TSHZ2: variants seen among roughly 807,000 people sequenced by gnomAD.
TSHZ2 encodes the protein teashirt zinc finger homeobox 2.
TSHZ2 carries 21 observed loss-of-function variants against 74.4 expected under a neutral mutation model. The ratio of observed to expected loss-of-function variants is 0.28; its 90% CI spans 0.20 to 0.41. The LOEUF is 0.41. TSHZ2 is among the 10% of genes least tolerant of loss of function. The pLI, the probability that TSHZ2 is intolerant of heterozygous loss-of-function variation, is 1.00. For synonymous variants in TSHZ2, 540 were observed against 515.3 expected (o/e 1.05, Z -0.65); for missense variants, 1,244 against 1,293.5 (o/e 0.96, Z 0.59).
At chr20:53,379,772 A>G (rs568981413) in intron 2 of TSHZ2, among the ~76,000 whole-genome samples, 16 of 148,612 alleles carry the variant, frequency 1.1e-4, no homozygotes, top group South Asian at 4.2e-4. Flanking sequence ...AGTCTATGGG[A>G]AAAAAAAATG....
In TSHZ2 at chr20:53,305,198, A is replaced by G. The variant is rs571609571; in HGVS notation, c.*8+48627A>G. The stretch of plus-strand genomic sequence containing the variant: ...CGTGATCTGCCTGCCTCGGCCTCCC[A>G]AAGTGCTGGGATTACAGGCATGAGC... On this transcript the variant is annotated intron_variant, in intron 2 of 2. Transcript: ENST00000371497. Among the ~76,000 whole-genome samples the G allele has an allele frequency of 3.9e-5, 6 of 152,194 alleles. No homozygotes were observed. The East Asian group carries it at 7.7e-4, about 20-fold the overall frequency.
At chr20:53,376,022 A>G (rs561108014) in intron 2 of TSHZ2, among the ~76,000 whole-genome samples, 3 of 152,340 alleles carry the variant, frequency 2.0e-5, no homozygotes, top group African/African-American at 7.2e-5. Flanking sequence ...GTAAGGGTCT[A>G]TATTAATGAG....
At chr20:53,297,837 A>C (rs1050377525) in intron 2 of TSHZ2, among the ~76,000 whole-genome samples, 1 of 152,250 alleles carries the variant, frequency 6.6e-6, no homozygotes. Context: ...CACTAGATAA[A>C]TATTGCCTGT....
At chr20:53,386,123 C>T (rs560259578) in intron 2 of TSHZ2, among the ~76,000 whole-genome samples, 1 of 152,226 alleles carries the variant, frequency 6.6e-6, no homozygotes, top group East Asian at 1.9e-4. Flanking sequence ...CACCTCTTAG[C>T]GTGGCCTGAG....
chr20:53,196,197 G>A (rs997873578), intron 1 of TSHZ2: 2 of 152,056 alleles, frequency 1.3e-5, no homozygotes, highest in African/African-American at 4.8e-5. Flanking sequence ...AAGGAAGCAA[G>A]TTGTTCAGCT....
chr20:53,137,471 A>G (rs1232843417), intron 1 of TSHZ2, among the ~76,000 whole-genome samples: 1 of 152,104 alleles, frequency 6.6e-6, no homozygotes, highest in Admixed American at 6.5e-5. Context: ...AAATGGAATC[A>G]CTTTGTAAAT....
At chr20:53,162,866 G>A (rs1366264623) in intron 1 of TSHZ2, among the ~76,000 whole-genome samples, 1 of 152,156 alleles carries the variant, frequency 6.6e-6, no homozygotes, top group African/African-American at 2.4e-5. Flanking sequence ...TTGGAAGCAG[G>A]TTTAAAATGA....
chr20:53,274,139 G>A (rs192558469), intron 2 of TSHZ2, among the ~76,000 whole-genome samples: 259 of 152,214 alleles, frequency 1.7e-3, no homozygotes, highest in African/African-American at 5.2e-3. Context: ...GTGTGGTGGC[G>A]CGTGCCTGTA....
chr20:53,468,688 CAAAAA>C (rs1158529552), intron 2 of TSHZ2, among the ~76,000 whole-genome samples: 10 of 65,400 alleles, frequency 1.5e-4, no homozygotes, highest in Middle Eastern at 0.014. Flanking sequence ...CATTACGAGA[CAAAAA>C]AAAAAAAAAA....
At chr20:53,451,166 A>G (rs573093182) in intron 2 of TSHZ2, among the ~76,000 whole-genome samples, 2 of 152,324 alleles carry the variant, frequency 1.3e-5, no homozygotes, top group African/African-American at 4.8e-5. Context: ...CAGCCTACAC[A>G]TAGTACAAGG....
At chr20:53,014,280 G>T (rs1053177163) in intron 1 of TSHZ2, among the ~76,000 whole-genome samples, 1 of 152,044 alleles carries the variant, frequency 6.6e-6, no homozygotes, top group African/African-American at 2.4e-5. Flanking sequence ...ACCAACCTGA[G>T]GATTCCACCC....
intron 2 of TSHZ2, among the ~76,000 whole-genome samples, chr20:53,388,477 C>A (rs896307389): frequency 1.5e-4 from 23 of 152,246 alleles, no homozygotes; most frequent in African/African-American, 5.5e-4. Flanking sequence ...TGATACAACA[C>A]TGAAGGTGGG....
At chr20:53,024,998 T>G (rs1983384259) in intron 1 of TSHZ2, among the ~76,000 whole-genome samples, 1 of 152,136 alleles carries the variant, frequency 6.6e-6, no homozygotes, top group African/African-American at 2.4e-5. Flanking sequence ...ATTTTAAGCA[T>G]GCAACCCTAA....
chr20:53,229,035 T>C (rs1989757118), intron 1 of TSHZ2, among the ~76,000 whole-genome samples: 2 of 152,216 alleles, frequency 1.3e-5, no homozygotes, highest in African/African-American at 4.8e-5. Flanking sequence ...ACACACTCTT[T>C]GCACCTTTGC....
At chr20:52,987,044 G>A (rs1478826433) in intron 1 of TSHZ2, among the ~76,000 whole-genome samples, 1 of 152,106 alleles carries the variant, frequency 6.6e-6, no homozygotes, top group Non-Finnish European at 1.5e-5. Context: ...AGTAAGGGCT[G>A]TCAAGAAACC....
At chr20:53,477,180 CAA>C (rs1351349869) in intron 2 of TSHZ2, among the ~76,000 whole-genome samples, 4 of 20,548 alleles carry the variant, frequency 1.9e-4, no homozygotes, top group Middle Eastern at 9.1e-3. Context: ...CATATGGAAC[CAA>C]AAAAGAGCCC....
intron 2 of TSHZ2, among the ~76,000 whole-genome samples, chr20:53,391,169 CAG>C (rs1163634654): frequency 7.4e-6 from 1 of 134,430 alleles, no homozygotes; most frequent in Non-Finnish European, 1.6e-5. Flanking sequence ...TGGTTTGAGA[CAG>C]AGTCTTGCTC....
chr20:53,334,782 C>T (rs1337611892), intron 2 of TSHZ2, among the ~76,000 whole-genome samples: 2 of 151,998 alleles, frequency 1.3e-5, no homozygotes, highest in Admixed American at 6.5e-5. Context: ...CTCCTGGGTT[C>T]AAGCGATTCT....
At chr20:53,471,892 C>T (rs2145838484) in intron 2 of TSHZ2, among the ~76,000 whole-genome samples, 1 of 149,730 alleles carries the variant, frequency 6.7e-6, no homozygotes, top group South Asian at 2.1e-4. Context: ...CTACGACCTC[C>T]ATCTCCCAGT....
Sources: allele counts gnomAD v4.1 joint callset (sites outside exome capture counted in the v4.1 genomes callset), GRCh38; gene constraint gnomAD v4.1.1; transcripts MANE v1.5; gene names NCBI Gene and HGNC (gene_info 2026-07-23, HGNC 2026-07-21).